Variants in HTT observed in about 807,000 individuals in gnomAD.
HTT encodes huntingtin.
A neutral mutation model predicts 362.3 loss-of-function variants in HTT; 104 were observed. The ratio of observed to expected loss-of-function variants is 0.29; its 90% CI spans 0.24 to 0.34. The LOEUF is 0.34. HTT is among the 10% of genes least tolerant of loss of function. HTT has a pLI of 1.00. For missense variants in HTT, 3,301 were observed against 3,928.6 expected, an observed-to-expected ratio of 0.84 and a Z score of 4.27; for synonymous variants, 1,577 against 1,548.7, an observed-to-expected ratio of 1.02 and a Z score of -0.43.
chr4:3,156,732 A>G (rs953108874), intron 27 of HTT, among the ~76,000 whole-genome samples: 10 of 152,188 alleles, frequency 6.6e-5, no homozygotes, highest in African/African-American at 1.7e-4. Flanking sequence ...GTTGGCCACT[A>G]AGGAATCTTA....
chr4:3,096,942 G>A (rs1188561419), intron 2 of HTT, among the ~76,000 whole-genome samples: 1 of 151,678 alleles, frequency 6.6e-6, no homozygotes, highest in African/African-American at 2.4e-5. Context: ...AGCCTAGGGA[G>A]ACCCCATATC....
rs763459712 is a variant in HTT at position 3,223,442 on chromosome 4, G to A, written c.7507G>A (p.Val2503Met). ...GAGGACCCAGATCAACGTCCTGGCC[G>A]TGCAGGCCATCACCTCACTGGTGCT... ...TERTQINVLA[V>M]QAITSLVLSA... Residue 2503 changes from valine (V) to methionine (M), a missense_variant, in exon 55 of 67, where the codon GTG becomes ATG. Physicochemically the swap from Val to Met is conservative, Grantham distance 21 (BLOSUM62 1). Around this residue, in one of 4 missense-constraint regions of HTT, gnomAD observed 753 missense variants for 1,021.3 expected, o/e 0.74. Transcript: ENST00000355072. 1.1e-5 allele frequency: 17 copies of A among 1,608,810 alleles called. No homozygotes were observed. The highest frequency in any genetic ancestry group is 1.6e-4 in the Middle Eastern group (1 of 6,070).
rs557462801 is a variant in HTT at position 3,243,885 on chromosome 4, G to A, written c.*3826G>A. The A allele has an allele frequency of 2.6e-5, 4 of 152,350 alleles. No homozygotes were observed. The highest frequency in any genetic ancestry group is 9.6e-5 in the African/African-American group (4 of 41,586). The allele number at this position is 152,350 out of a possible 1,614,324, so 9.4% of individuals were successfully genotyped here. A position where few individuals can be genotyped will look rare whatever the true frequency, so the allele number is the denominator to read the frequency against. ...TCTGAGAGCAAAGGGAAGGACTGAC[G>A]AGAGATGTATATTTAATTTTTTAAC... On this transcript the variant is annotated 3_prime_UTR_variant, in exon 67 of 67. Coordinates refer to ENST00000355072, the MANE Select transcript of HTT (RefSeq NM_001388492.1).
At chr4:3,186,382 A>T (rs774921641) in intron 37 of HTT, among the ~76,000 whole-genome samples, 5 of 152,210 alleles carry the variant, frequency 3.3e-5, no homozygotes, top group Non-Finnish European at 7.3e-5. Flanking sequence ...TAAAAATCTA[A>T]ATGACAAGAT....
intron 1 of HTT, among the ~76,000 whole-genome samples, chr4:3,079,730 G>T (rs992731785): frequency 1.1e-4 from 17 of 152,206 alleles, no homozygotes; most frequent in Admixed American, 1.1e-3. Flanking sequence ...AGCATGATCT[G>T]AATTTCAATC....
chr4:3,088,463 C>T (rs367772405), intron 2 of HTT, among the ~76,000 whole-genome samples: 2 of 151,836 alleles, frequency 1.3e-5, no homozygotes, highest in Non-Finnish European at 2.9e-5. Flanking sequence ...CGTGAGCCAC[C>T]GCGCCCGGCC....
At chr4:3,180,463 C>T in intron 35 of HTT, 52 bp from the exon 36 acceptor site, 9 of 1,495,034 alleles carry the variant, frequency 6.0e-6, no homozygotes, top group South Asian at 2.8e-5. Flanking sequence ...AGCAGTTTTC[C>T]AAATGTAATT....
intron 52 of HTT, among the ~76,000 whole-genome samples, chr4:3,219,354 G>A (rs187768163): frequency 2.2e-4 from 33 of 152,272 alleles, no homozygotes; most frequent in African/African-American, 7.0e-4. Flanking sequence ...AGGCCAGGAC[G>A]GGCTGCACGC....
Position 3,121,633 on chromosome 4 carries a change from T to G in HTT, c.1273+201T>G. 4.3e-6 allele frequency: 2 copies of G among 469,208 alleles called. 1 individual carries two copies. The highest frequency in any genetic ancestry group is 7.7e-6 in the Non-Finnish European group (2 of 261,028). 29.1% of individuals were successfully genotyped at this position (469,208 alleles called of 1,614,324 possible). A position where few individuals can be genotyped will look rare whatever the true frequency, so the allele number is the denominator to read the frequency against. ...GCTCACGCCTGTAATTTCAGCACTTTGGAAGGATCGCTTCAGCCCAGGAGT... is the reference window on the plus strand; with the variant it reads ...GCTCACGCCTGTAATTTCAGCACTTGGGAAGGATCGCTTCAGCCCAGGAGT... On this transcript the variant is annotated intron_variant, in intron 9 of 66. Transcript: ENST00000355072.
chr4:3,238,912 C>T lies in HTT; in HGVS notation c.9149C>T (p.Ala3050Val), dbSNP rs761305733. ...LSNFTQRAPV[A>V]MATWSLSCFF... is the part of the protein sequence containing the mutation. Reference sequence around the variant, plus strand: ...AACTTCACGCAGAGGGCCCCGGTCGCCATGGCCACGTGGAGCCTCTCCTGC... The same window carrying T: ...AACTTCACGCAGAGGGCCCCGGTCGTCATGGCCACGTGGAGCCTCTCCTGC... Residue 3050 changes from alanine to valine, a missense_variant, in exon 66 of 67, where the codon GCC (alanine) becomes GTC (valine). Physicochemically the swap from Ala to Val is moderately conservative, Grantham distance 64. Coordinates refer to ENST00000355072, the MANE Select transcript of HTT (RefSeq NM_001388492.1). The T allele has an allele frequency of 9.3e-6, 15 of 1,611,260 alleles. No homozygotes were observed. In the Admixed American group the frequency reaches 1.5e-4, roughly 16 times the overall value.
At chr4:3,221,725 A>G (rs1720683336) in intron 53 of HTT, among the ~76,000 whole-genome samples, 3 of 152,170 alleles carry the variant, frequency 2.0e-5, no homozygotes, top group Non-Finnish European at 2.9e-5. Flanking sequence ...GTCAGAAACA[A>G]CTGTTCGTTA....
intron 26 of HTT, among the ~76,000 whole-genome samples, chr4:3,151,375 A>T (rs544563171): frequency 2.0e-3 from 302 of 152,128 alleles, no homozygotes; most frequent in Admixed American, 5.4e-3. Flanking sequence ...AGACAGAGAG[A>T]GAGAGAGAAA....
chr4:3,233,752 G>A (rs890698697), intron 61 of HTT, among the ~76,000 whole-genome samples: 5 of 152,142 alleles, frequency 3.3e-5, no homozygotes, highest in African/African-American at 9.7e-5. Context: ...CTGTGATTCC[G>A]ACCTCACCTT....
At chr4:3,223,941 G>C (rs1720792307) in intron 55 of HTT, 51 bp from the exon 56 acceptor site, 3 of 1,599,730 alleles carry the variant, frequency 1.9e-6, no homozygotes, top group Middle Eastern at 1.7e-4. Flanking sequence ...TTTTTCACTT[G>C]TAAGATTTTG....
chr4:3,236,100 C>T (rs371221925), intron 63 of HTT, 49 bp from the exon 64 acceptor site: 7 of 1,290,774 alleles, frequency 5.4e-6, no homozygotes, highest in East Asian at 2.3e-5. Context: ...TCTACAGAGC[C>T]TATTGGGTTG....
chr4:3,173,181 A>G (rs1560579277), intron 31 of HTT, 50 bp downstream of exon 31: 1 of 1,435,186 alleles, frequency 7.0e-7, no homozygotes, highest in East Asian at 2.3e-5. Flanking sequence ...CGAAAGAGCA[A>G]GCAGGAAATA....
intron 37 of HTT, among the ~76,000 whole-genome samples, chr4:3,184,351 G>C (rs765312784): frequency 3.3e-5 from 5 of 151,942 alleles, no homozygotes; most frequent in African/African-American, 2.4e-5. Flanking sequence ...GAGGCCTGGT[G>C]GGGTGAGGCC....
At chr4:3,124,323 T>C (rs533961187) in intron 10 of HTT, among the ~76,000 whole-genome samples, 29 of 152,360 alleles carry the variant, frequency 1.9e-4, no homozygotes, top group Non-Finnish European at 1.3e-4. Flanking sequence ...CTCTTCTGGC[T>C]GGGACATGGG....
intron 28 of HTT, among the ~76,000 whole-genome samples, chr4:3,158,225 C>T (rs905323404): frequency 2.0e-5 from 3 of 152,158 alleles, no homozygotes; most frequent in Non-Finnish European, 2.9e-5. Context: ...TTAAGTAATC[C>T]TCCCTCCTTG....
Sources: gnomAD v4.1 joint callset for allele counts (sites outside exome capture counted in the v4.1 genomes callset) on GRCh38, gnomAD v4.1.1 for gene constraint, gnomAD v4.1.1 regional missense constraint, MANE v1.5 for transcripts, NCBI Gene and HGNC (gene_info 2026-07-23, HGNC 2026-07-21) for gene names.